The following KLHDC4 variants were observed in gnomAD, a reference collection of about 807,000 sequenced individuals.
KLHDC4 encodes kelch domain containing 4.
Under a neutral mutation model 62.4 loss-of-function variants are expected in KLHDC4, and 90 were observed. The observed-to-expected ratio is 1.44, with a 90% CI of 1.22 to 1.72. The LOEUF is 1.72. Among genes scored for constraint, KLHDC4 ranks in the 40% most tolerant of loss-of-function variants. The probability of loss-of-function intolerance (pLI) is 0.00; values close to 1 mark genes in which losing one functional copy is unlikely to be tolerated. For synonymous variants in KLHDC4, 386 were observed against 284.4 expected (o/e 1.36, Z -3.59); for missense variants, 1,025 against 699.7 (o/e 1.47, Z -5.25).
chr16:87,730,416 G>C (rs2040140224), intron 6 of KLHDC4, 136 bp downstream of exon 6: 1 of 696,004 alleles, frequency 1.4e-6, no homozygotes, highest in African/African-American at 1.8e-5. Context: ...AAGGCCCTGT[G>C]TGGCTGCCCA....
chr16:87,764,765 G>GC (rs1411744608), intron 1 of KLHDC4, among the ~76,000 whole-genome samples: 7 of 144,034 alleles, frequency 4.9e-5, no homozygotes. Context: ...GACTTCCTGT[G>GC]CCACAACCCT....
chr16:87,730,565 G>C lies in KLHDC4; in HGVS notation c.586C>G (p.His196Asp). ...CTTGGTACCAACCGTGTACTTTCAT[G>C]GAAGCCACCAAACAGGATCAATTGT... ...KRQLILFGGF[H>D]ESTRDYIYYN... The change falls in exon 6 of 12, where the codon CAT becomes GAT. Residue 196 changes from histidine (H) to aspartate (D), a missense_variant. His to Asp is a moderately conservative substitution (Grantham distance 81). Coordinates refer to ENST00000270583, the MANE Select transcript of KLHDC4 (RefSeq NM_017566.4). The C allele has an allele frequency of 6.2e-7, 1 of 1,612,016 alleles. No homozygotes were observed. Among genetic ancestry groups the C allele is most frequent in the Non-Finnish European group, 8.5e-7 (1 of 1,179,472 alleles).
At chr16:87,712,965 C>T (rs1383508828) in intron 8 of KLHDC4, among the ~76,000 whole-genome samples, 1 of 152,230 alleles carries the variant, frequency 6.6e-6, no homozygotes, top group Non-Finnish European at 1.5e-5. Context: ...CGGCAAACAC[C>T]CTTGATCTGT....
chr16:87,709,716 G>T (rs1434545464), intron 9 of KLHDC4, 49 bp from the exon 10 acceptor site: 3 of 1,500,534 alleles, frequency 2.0e-6, no homozygotes, highest in Admixed American at 2.1e-5. Context: ...GCGAGGCAGG[G>T]GTCATTCCTG....
At position 87,764,995 on chromosome 16, in the gene KLHDC4, G is replaced by A. The variant is rs1199866955; in HGVS notation, c.99+797C>T. The A allele has an allele frequency of 2.0e-5, 8 of 402,768 alleles. No homozygotes were observed. In the Admixed American group the frequency reaches 2.2e-4, roughly 11 times the overall value. The allele number at this position is 402,768 out of a possible 1,614,324, so 24.9% of individuals were successfully genotyped here. ...ATTCAGGACATCTGGTCACATCCCA[G>A]TTCCATACCACTTCATGGTTCACCT... is the stretch of plus-strand genomic sequence containing the variant. On this transcript the variant is annotated intron_variant, in intron 1 of 11. Coordinates refer to ENST00000270583, the MANE Select transcript of KLHDC4 (RefSeq NM_017566.4).
chr16:87,736,048 C>T (rs565831959), intron 5 of KLHDC4, among the ~76,000 whole-genome samples: 2 of 152,364 alleles, frequency 1.3e-5, no homozygotes, highest in South Asian at 2.1e-4. Flanking sequence ...ATACAACATA[C>T]AGTCACGCAC....
intron 2 of KLHDC4, chr16:87,757,530 G>C (rs547535789): frequency 6.7e-6 from 1 of 149,740 alleles, no homozygotes; most frequent in East Asian, 2.0e-4. Flanking sequence ...CTTCCATCTA[G>C]AAAATACAAA....
chr16:87,703,978 C>T (rs941692633), downstream of KLHDC4, among the ~76,000 whole-genome samples: 31 of 152,236 alleles, frequency 2.0e-4, no homozygotes, highest in African/African-American at 7.2e-4. Context: ...TTACACTGCC[C>T]AGGAGAGCAG....
At chr16:87,755,005 G>A (rs1210413374) in intron 4 of KLHDC4, among the ~76,000 whole-genome samples, 189 bp downstream of exon 4, 1 of 152,142 alleles carries the variant, frequency 6.6e-6, no homozygotes, top group African/African-American at 2.4e-5. Context: ...CTGGGGAGCA[G>A]GTGTTCTCCT....
intron 8 of KLHDC4, 86 bp downstream of exon 8, chr16:87,714,385 CGGGCAGGGTGCAGGGGCTCACCGCCAG>C: frequency 7.0e-7 from 1 of 1,426,648 alleles, no homozygotes; most frequent in Non-Finnish European, 9.2e-7. Context: ...CCCTCCGCTC[CGGGCAGGGTGCAGGGGCTCACCGCCAG>C]CCCCACATCC....
intron 5 of KLHDC4, among the ~76,000 whole-genome samples, chr16:87,744,534 G>C (rs1334052401): frequency 6.7e-6 from 1 of 150,210 alleles, no homozygotes; most frequent in Non-Finnish European, 1.5e-5. Context: ...AGTGAACCAA[G>C]ATTGTGCTAC....
intron 4 of KLHDC4, chr16:87,751,000 T>C (rs919832239): frequency 6.6e-6 from 1 of 152,194 alleles, no homozygotes; most frequent in East Asian, 1.9e-4. Context: ...CTAACAAATG[T>C]TTTGAGTCTA....
At chr16:87,751,988 T>TGGCATGAACCCGGGA (rs368494863) in intron 4 of KLHDC4, among the ~76,000 whole-genome samples, 2 of 142,984 alleles carry the variant, frequency 1.4e-5, no homozygotes, top group African/African-American at 2.6e-5. Flanking sequence ...GGCAGGAGAA[T>TGGCATGAACCCGGGA]GGCATGAACC....
chr16:87,699,316 C>G (rs957811327), exon 1 of KLHDC4: 1 of 152,236 alleles, frequency 6.6e-6, no homozygotes, highest in Non-Finnish European at 1.5e-5. Flanking sequence ...GATCTAGAAC[C>G]ATTACCTCAC....
At chr16:87,722,823 G>A (rs914977097) in intron 7 of KLHDC4, among the ~76,000 whole-genome samples, 1 of 152,258 alleles carries the variant, frequency 6.6e-6, no homozygotes, top group Admixed American at 6.5e-5. Flanking sequence ...GCCAGGTCTG[G>A]CAGGAGAGTG....
At chr16:87,751,062 A>G (rs1257581526) in intron 4 of KLHDC4, 2 of 152,272 alleles carry the variant, frequency 1.3e-5, no homozygotes, top group African/African-American at 2.4e-5. Context: ...GTTTTAAACT[A>G]TCATCTCGGG....
At chr16:87,718,265 C>G (rs1385456660) in intron 7 of KLHDC4, among the ~76,000 whole-genome samples, 3 of 150,994 alleles carry the variant, frequency 2.0e-5, no homozygotes, top group Non-Finnish European at 4.4e-5. Flanking sequence ...AGTCTTTCCA[C>G]AAAAACCGAT....
At chr16:87,762,376 C>T (rs183232139) in intron 1 of KLHDC4, among the ~76,000 whole-genome samples, 3 of 152,258 alleles carry the variant, frequency 2.0e-5, no homozygotes, top group Non-Finnish European at 2.9e-5. Flanking sequence ...CTCGAGCCGT[C>T]GCACCTGCCA....
At chr16:87,744,374 C>T (rs1019891238) in intron 5 of KLHDC4, among the ~76,000 whole-genome samples, 9 of 150,462 alleles carry the variant, frequency 6.0e-5, no homozygotes, top group Admixed American at 2.0e-4. Context: ...GAGATCCCGC[C>T]ACTGCACTCC....
Sources: gnomAD v4.1 joint callset for allele counts (sites outside exome capture counted in the v4.1 genomes callset) on GRCh38, gnomAD v4.1.1 for gene constraint, MANE v1.5 for transcripts, NCBI Gene and HGNC (gene_info 2026-07-23, HGNC 2026-07-21) for gene names.